The following DDX10 variants were observed in gnomAD, a reference collection of about 807,000 sequenced individuals.
DDX10 encodes the protein probable ATP-dependent RNA helicase DDX10.
A neutral mutation model predicts 104.3 loss-of-function variants in DDX10; 74 were observed. The ratio of observed to expected loss-of-function variants is 0.71; its 90% CI spans 0.59 to 0.86. DDX10 has a LOEUF of 0.86. Among genes scored for constraint, DDX10 ranks in the 40% least tolerant of loss-of-function variants. The probability of loss-of-function intolerance (pLI) is 0.00; values close to 1 mark genes in which losing one functional copy is unlikely to be tolerated. For missense variants in DDX10, 952 were observed against 1,040.0 expected (o/e 0.92, Z 1.16); for synonymous variants, 351 against 353.4 (o/e 0.99, Z 0.08).
chr11:108,914,348 A>G (rs1863717488), intron 16 of DDX10, among the ~76,000 whole-genome samples: 1 of 152,022 alleles, frequency 6.6e-6, no homozygotes. Flanking sequence ...CAAAGCCAGC[A>G]GAGCAGCTGG....
intron 16 of DDX10, among the ~76,000 whole-genome samples, chr11:108,898,245 A>G (rs116765578): frequency 0.015 from 2,357 of 152,192 alleles, 58 homozygotes; most frequent in African/African-American, 0.054. Context: ...TTTTGTCTGG[A>G]CTAACCAGAC....
chr11:108,666,711 C>T (rs2094210620), intron 1 of DDX10, among the ~76,000 whole-genome samples: 1 of 152,206 alleles, frequency 6.6e-6, no homozygotes, highest in South Asian at 2.1e-4. Context: ...TCTCCTGTGT[C>T]AGTCTATCTC....
chr11:108,717,070 A>G (rs2094292489), intron 11 of DDX10, among the ~76,000 whole-genome samples: 1 of 152,118 alleles, frequency 6.6e-6, no homozygotes, highest in Admixed American at 6.6e-5. Flanking sequence ...CTTTATTGCC[A>G]TTTATTGCAT....
At chr11:108,876,383 A>G (rs1445374614) in intron 16 of DDX10, among the ~76,000 whole-genome samples, 1 of 152,148 alleles carries the variant, frequency 6.6e-6, no homozygotes, top group Non-Finnish European at 1.5e-5. Flanking sequence ...TACCAGGAAA[A>G]ACCTCAGACT....
intron 13 of DDX10, among the ~76,000 whole-genome samples, chr11:108,820,078 G>A (rs1159782076): frequency 6.6e-6 from 1 of 152,220 alleles, no homozygotes; most frequent in Non-Finnish European, 1.5e-5. Flanking sequence ...TGAGTTTAGA[G>A]CATGCTTCTG....
intron 10 of DDX10, among the ~76,000 whole-genome samples, chr11:108,712,555 T>C (rs1191261498): frequency 6.6e-6 from 1 of 152,130 alleles, no homozygotes; most frequent in Non-Finnish European, 1.5e-5. Flanking sequence ...ACAGGTAGTG[T>C]GAGTACCTTA....
intron 16 of DDX10, among the ~76,000 whole-genome samples, chr11:108,879,313 T>A (rs926243521): frequency 3.9e-5 from 6 of 152,152 alleles, no homozygotes; most frequent in African/African-American, 1.4e-4. Flanking sequence ...ATTTTCTAAG[T>A]CTTCTAAACA....
At chr11:108,859,638 G>A (rs1054580751) in intron 16 of DDX10, among the ~76,000 whole-genome samples, 4 of 152,190 alleles carry the variant, frequency 2.6e-5, no homozygotes, top group African/African-American at 9.6e-5. Context: ...CTTAGGTGAA[G>A]TTAGAGATAA....
chr11:108,902,098 G>A (rs1387168041), intron 16 of DDX10, among the ~76,000 whole-genome samples: 1 of 152,124 alleles, frequency 6.6e-6, no homozygotes, highest in Non-Finnish European at 1.5e-5. Flanking sequence ...CTTCTCTTAA[G>A]TTCTGTTACT....
chr11:108,691,918 GT>G lies in DDX10; in HGVS notation c.1021del (p.Ser341LeufsTer12). 1.2e-6 allele frequency: 2 copies of G among 1,614,110 alleles called. No homozygotes were observed. Among genetic ancestry groups the G allele is most frequent in the Non-Finnish European group, 1.7e-6 (2 of 1,180,012 alleles). ...AGTGTTTTGCCGGCTACGTCCTGGT[GT>G]TTCTATCCTTGCACTCCATGGTCGA... ...YRVFCRLRPG[V>X]SILALHGRQQ... On this transcript the variant is annotated frameshift_variant, in exon 8 of 18. Coordinates refer to ENST00000322536, the MANE Select transcript of DDX10 (RefSeq NM_004398.4). LOFTEE classifies it high-confidence loss of function.
rs191259862 is a variant in DDX10 at position 108,802,567 on chromosome 11, C to G, written c.1966-35879C>G. Reference sequence around the variant, plus strand: ...TACGTGCCATTTCTCTCTTCTGGTTCTATCATGTTTACAATAAGTTGCTGT... The same window carrying G: ...TACGTGCCATTTCTCTCTTCTGGTTGTATCATGTTTACAATAAGTTGCTGT... On this transcript the variant is annotated intron_variant, in intron 13 of 17. Transcript: ENST00000322536. Among the ~76,000 whole-genome samples the G allele has an allele frequency of 7.5e-4, 114 of 152,092 alleles. 1 individual carries two copies. Among genetic ancestry groups the G allele is most frequent in the Non-Finnish European group, 1.3e-3 (86 of 67,990 alleles).
intron 1 of DDX10, among the ~76,000 whole-genome samples, chr11:108,668,786 C>CGTTATATTAGTATGCATAAAAT (rs2094213343): frequency 6.6e-6 from 1 of 152,108 alleles, no homozygotes; most frequent in Non-Finnish European, 1.5e-5. Flanking sequence ...CAGTTTGACA[C>CGTTATATTAGTATGCATAAAAT]GTTATATTAG....
At chr11:108,926,635 T>C (rs1863912979) in intron 17 of DDX10, among the ~76,000 whole-genome samples, 1 of 152,194 alleles carries the variant, frequency 6.6e-6, no homozygotes, top group East Asian at 1.9e-4. Context: ...CATGATACAT[T>C]TTCACTACCG....
intron 13 of DDX10, among the ~76,000 whole-genome samples, chr11:108,827,725 C>T (rs1317816633): frequency 3.3e-5 from 5 of 152,160 alleles, no homozygotes; most frequent in Non-Finnish European, 7.3e-5. Context: ...GCTCCCCATC[C>T]TCCAGCCGAA....
At chr11:108,852,113 A>T in intron 15 of DDX10, 40 bp from the exon 16 acceptor site, 3 of 1,515,338 alleles carry the variant, frequency 2.0e-6, no homozygotes, top group Non-Finnish European at 1.8e-6. Context: ...TTTATACCTA[A>T]TTATATGCTG....
chr11:108,915,951 A>T, intron 16 of DDX10, among the ~76,000 whole-genome samples: 1 of 4,004 alleles, frequency 2.5e-4, no homozygotes, highest in East Asian at 0.12. Flanking sequence ...CAAAAATGTA[A>T]AAAAAAAAAA....
intron 13 of DDX10, among the ~76,000 whole-genome samples, chr11:108,747,474 G>C (rs2094333238): frequency 1.3e-5 from 2 of 152,066 alleles, no homozygotes; most frequent in South Asian, 4.2e-4. Flanking sequence ...ATTTCTGTAG[G>C]GTAGGCTGAG....
chr11:108,735,389 AAT>A (rs2094317133), intron 13 of DDX10, among the ~76,000 whole-genome samples: 1 of 152,118 alleles, frequency 6.6e-6, no homozygotes, highest in Non-Finnish European at 1.5e-5. Context: ...ACAAAAAATG[AAT>A]ATGTGTGCTA....
intron 13 of DDX10, chr11:108,822,209 A>G (rs1045050061): frequency 5.1e-6 from 1 of 196,350 alleles, no homozygotes; most frequent in Admixed American, 6.0e-5. Flanking sequence ...AGGACTGCCC[A>G]ACAAAATATT....
Sources: gnomAD v4.1 joint callset for allele counts (sites outside exome capture counted in the v4.1 genomes callset) on GRCh38, gnomAD v4.1.1 for gene constraint, MANE v1.5 for transcripts, NCBI Gene and HGNC (gene_info 2026-07-23, HGNC 2026-07-21) for gene names.